The following HMBOX1 variants were observed in gnomAD, a reference collection of about 807,000 sequenced individuals.
The protein encoded by HMBOX1 is homeobox-containing protein 1.
HMBOX1 carries 14 observed loss-of-function variants against 54.5 expected under a neutral mutation model. The observed-to-expected ratio is 0.26, with a 90% CI of 0.17 to 0.40. The LOEUF is 0.40. Ranked by LOEUF, HMBOX1 falls within the 10% of genes least tolerant of loss-of-function variation. The probability of loss-of-function intolerance (pLI) is 1.00; values close to 1 mark genes in which losing one functional copy is unlikely to be tolerated. For synonymous variants in HMBOX1, 160 were observed against 181.0 expected, an observed-to-expected ratio of 0.88 and a Z score of 0.93; for missense variants, 332 against 514.4, an observed-to-expected ratio of 0.65 and a Z score of 3.43.
At chr8:29,044,549 T>C (rs1586675630) in intron 6 of HMBOX1, among the ~76,000 whole-genome samples, 1 of 152,200 alleles carries the variant, frequency 6.6e-6, no homozygotes, top group East Asian at 1.9e-4. Flanking sequence ...ATGTTTAAAC[T>C]CCTCCCACTA....
chr8:28,962,763 A>G (rs1825825397), intron 1 of HMBOX1, among the ~76,000 whole-genome samples: 1 of 152,102 alleles, frequency 6.6e-6, no homozygotes, highest in South Asian at 2.1e-4. Context: ...AACCTGAATT[A>G]GTTTCTGGAT....
intron 4 of HMBOX1, among the ~76,000 whole-genome samples, chr8:28,993,049 GTT>G (rs5890435): frequency 9.4e-5 from 14 of 149,542 alleles, no homozygotes; most frequent in Admixed American, 2.0e-4. Flanking sequence ...TCAACACCTA[GTT>G]TTTTTTTTTA....
intron 1 of HMBOX1, among the ~76,000 whole-genome samples, chr8:28,959,430 T>G (rs747886012): frequency 1.6e-4 from 24 of 152,120 alleles, no homozygotes; most frequent in Non-Finnish European, 2.9e-4. Flanking sequence ...ATTTTAAAAC[T>G]TATGAATTGT....
intron 1 of HMBOX1, among the ~76,000 whole-genome samples, chr8:28,931,979 A>C (rs1819550644): frequency 1.3e-5 from 2 of 152,208 alleles, no homozygotes; most frequent in African/African-American, 4.8e-5. Context: ...GGACATATAT[A>C]ATAAATAATT....
chr8:28,990,218 T>A (rs548694087), intron 4 of HMBOX1, among the ~76,000 whole-genome samples: 13 of 152,310 alleles, frequency 8.5e-5, no homozygotes, highest in Non-Finnish European at 1.9e-4. Context: ...CAGTTCAATC[T>A]TGAATAGAGT....
intron 4 of HMBOX1, among the ~76,000 whole-genome samples, chr8:29,006,878 A>C (rs1363812937): frequency 6.6e-6 from 1 of 152,130 alleles, no homozygotes; most frequent in East Asian, 1.9e-4. Context: ...GATTTTTCTC[A>C]AGTTTTCTGT....
chr8:28,913,509 T>G (rs1815885810), intron 1 of HMBOX1, among the ~76,000 whole-genome samples: 1 of 152,170 alleles, frequency 6.6e-6, no homozygotes, highest in South Asian at 2.1e-4. Context: ...CTTTAAATAC[T>G]TCCCTAGATT....
intron 4 of HMBOX1, among the ~76,000 whole-genome samples, chr8:28,983,154 C>T (rs1210492450): frequency 6.6e-6 from 1 of 152,242 alleles, no homozygotes; most frequent in African/African-American, 2.4e-5. Context: ...CATTTTCAGC[C>T]TCACCCTAAC....
chr8:29,000,635 G>A (rs1487531781), intron 4 of HMBOX1, among the ~76,000 whole-genome samples: 1 of 152,212 alleles, frequency 6.6e-6, no homozygotes, highest in African/African-American at 2.4e-5. Flanking sequence ...GAGATCTTGA[G>A]TCAGGTCAAA....
intron 4 of HMBOX1, among the ~76,000 whole-genome samples, chr8:28,991,827 A>G (rs374415454): frequency 2.2e-4 from 33 of 152,292 alleles, no homozygotes; most frequent in African/African-American, 7.7e-4. Flanking sequence ...ATAGATGGCC[A>G]GTGGCTCTGC....
chr8:28,974,713 T>C (rs774472885), intron 3 of HMBOX1, among the ~76,000 whole-genome samples: 4 of 152,332 alleles, frequency 2.6e-5, no homozygotes, highest in Non-Finnish European at 5.9e-5. Context: ...TTTTAAAATT[T>C]AAAGTTATAC....
At chr8:28,920,658 T>C (rs1253498527) in intron 1 of HMBOX1, among the ~76,000 whole-genome samples, 1 of 152,146 alleles carries the variant, frequency 6.6e-6, no homozygotes, top group Non-Finnish European at 1.5e-5. Context: ...GAAAGAGATA[T>C]GAATATAAAC....
In HMBOX1 at chr8:28,896,389, G is replaced by GCCT. The variant is rs1340199113; in HGVS notation, c.-58+5711_-58+5712insCCT. On this transcript the variant is annotated intron_variant, in intron 1 of 9. Coordinates refer to ENST00000287701, the MANE Select transcript of HMBOX1 (RefSeq NM_001135726.3). Reference sequence around the variant, plus strand: ...TATGCCATTTTATCACAGGTGTGTAGATTGCATAATCACCACCAAAATCAA... The same window carrying GCCT: ...TATGCCATTTTATCACAGGTGTGTAGCCTATTGCATAATCACCACCAAAATCAA... Among the ~76,000 whole-genome samples, 44 of 131,424 alleles carry GCCT rather than the reference G, an allele frequency of 3.3e-4. 1 individual carries two copies. Among genetic ancestry groups the GCCT allele is most frequent in the Non-Finnish European group, 5.5e-4 (30 of 54,886 alleles). The allele number at this position is 131,424 out of a possible 152,430, so 86.2% of individuals were successfully genotyped here.
At chr8:28,919,340 T>C (rs1817142010) in intron 1 of HMBOX1, among the ~76,000 whole-genome samples, 1 of 152,240 alleles carries the variant, frequency 6.6e-6, no homozygotes, top group South Asian at 2.1e-4. Flanking sequence ...AACACAATAC[T>C]GTATTTTCAT....
chr8:28,895,171 TTGTTTATCTTA>T (rs1811859628), intron 1 of HMBOX1, among the ~76,000 whole-genome samples: 1 of 152,250 alleles, frequency 6.6e-6, no homozygotes, highest in African/African-American at 2.4e-5. Context: ...GGCTGCTTCT[TTGTTTATCTTA>T]TGTCCAGAGA....
intron 5 of HMBOX1, among the ~76,000 whole-genome samples, chr8:29,011,500 C>T (rs1033392992): frequency 3.3e-5 from 5 of 152,164 alleles, no homozygotes; most frequent in African/African-American, 9.7e-5. Flanking sequence ...ATGGGGATTG[C>T]AAAATGGGAT....
chr8:29,013,725 T>C (rs923879223), intron 5 of HMBOX1, among the ~76,000 whole-genome samples: 1 of 152,176 alleles, frequency 6.6e-6, no homozygotes, highest in Non-Finnish European at 1.5e-5. Context: ...AAAATACCTA[T>C]TTTTTAAAAA....
rs1317888883 is a variant in HMBOX1 at position 29,009,412 on chromosome 8, T to C, written c.697+230T>C. 3.1e-6 allele frequency: 3 copies of C among 968,774 alleles called. No individual in the cohort carries two copies. The African/African-American group carries it at 5.3e-5, about 17-fold the overall frequency. The allele number at this position is 968,774 out of a possible 1,614,324, so 60.0% of individuals were successfully genotyped here. A position where few individuals can be genotyped will look rare whatever the true frequency, so the allele number is the denominator to read the frequency against. On this transcript the variant is annotated intron_variant, in intron 5 of 9. Transcript: ENST00000287701. ...TTCACTCCTTCCCCTAAGACACCTC[T>C]TTGCTTTCAGGTTATATGATATTTC...
intron 1 of HMBOX1, among the ~76,000 whole-genome samples, chr8:28,956,175 G>C (rs1824398743): frequency 6.6e-6 from 1 of 152,030 alleles, no homozygotes; most frequent in Admixed American, 6.6e-5. Flanking sequence ...AGATATGTCT[G>C]TTAAATTTTT....
Sources: allele counts gnomAD v4.1 joint callset (sites outside exome capture counted in the v4.1 genomes callset), GRCh38; gene constraint gnomAD v4.1.1; transcripts MANE v1.5; gene names NCBI Gene and HGNC (gene_info 2026-07-23, HGNC 2026-07-21).